Variants in RIPOR2 observed in about 807,000 individuals in gnomAD.
The protein encoded by RIPOR2 is RHO family interacting cell polarization regulator 2, also known as rho family-interacting cell polarization regulator 2.
In RIPOR2, 39 loss-of-function variants were observed where a neutral mutation model predicts 114.5. That is an observed-to-expected ratio of 0.34 (90% CI 0.26 to 0.44). The LOEUF (loss-of-function observed/expected upper bound fraction) is 0.44, where lower values mean the gene tolerates loss of function less well. RIPOR2 is among the 20% of genes least tolerant of loss of function. The pLI is 1.00. For missense variants in RIPOR2, 1,007 were observed against 1,255.1 expected, an observed-to-expected ratio of 0.80 and a Z score of 2.99; for synonymous variants, 445 against 484.4, an observed-to-expected ratio of 0.92 and a Z score of 1.07.
chr6:24,932,266 C>T (rs73731451), intron 1 of RIPOR2, among the ~76,000 whole-genome samples: 8,675 of 151,668 alleles, frequency 0.057, 292 homozygotes, highest in East Asian at 0.11. Context: ...TTGAGAGTAA[C>T]CATTTTCTAA....
At chr6:24,849,603 C>T (rs978141452) in intron 11 of RIPOR2, among the ~76,000 whole-genome samples, 199 bp downstream of exon 11, 2 of 152,114 alleles carry the variant, frequency 1.3e-5, no homozygotes, top group African/African-American at 4.8e-5. Flanking sequence ...CTTTAACACG[C>T]GTGCACCTTA....
intron 1 of RIPOR2, among the ~76,000 whole-genome samples, chr6:24,895,451 A>T (rs1340279056): frequency 9.6e-6 from 1 of 103,740 alleles, no homozygotes; most frequent in Non-Finnish European, 1.8e-5. Context: ...AAAAAAAAAA[A>T]ATCTTCTAGG....
chr6:24,849,496 T>C (rs1356036105), intron 11 of RIPOR2, among the ~76,000 whole-genome samples: 1 of 152,202 alleles, frequency 6.6e-6, no homozygotes, highest in Non-Finnish European at 1.5e-5. Flanking sequence ...TATGCCCTTA[T>C]ATATTTAAAG....
At chr6:24,859,045 AGTTAGAG>A (rs1203983083) in intron 8 of RIPOR2, among the ~76,000 whole-genome samples, 3 of 152,084 alleles carry the variant, frequency 2.0e-5, no homozygotes, top group African/African-American at 7.2e-5. Context: ...CATAACATGG[AGTTAGAG>A]GTGGGAATGC....
In RIPOR2 at chr6:24,924,593, C is replaced by T. The variant is rs370800732; in HGVS notation, c.61+11245G>A. 3.0e-3 allele frequency among the ~76,000 whole-genome samples: 463 copies of T among 152,164 alleles called. 3 individuals carry two copies. The highest frequency in any genetic ancestry group is 9.8e-3 in the African/African-American group (407 of 41,490). ...AGCCACCAATTTTTCATCATCCTTC[C>T]AACTGGTATTACAGAGCAATGTAAT... On this transcript the variant is annotated intron_variant, in intron 1 of 21. Coordinates refer to ENST00000643898, the MANE Select transcript of RIPOR2 (RefSeq NM_001286445.3).
chr6:24,946,806 T>A (rs965698077), intron 1 of RIPOR2, among the ~76,000 whole-genome samples: 1 of 152,190 alleles, frequency 6.6e-6, no homozygotes. Flanking sequence ...TCCTGACGTA[T>A]TTCTTTTTGG....
intron 1 of RIPOR2, among the ~76,000 whole-genome samples, chr6:24,981,376 T>C (rs1357468862): frequency 6.6e-6 from 1 of 152,184 alleles, no homozygotes; most frequent in East Asian, 1.9e-4. Flanking sequence ...AAGAGATAAG[T>C]TTGAATGACA....
intron 1 of RIPOR2, among the ~76,000 whole-genome samples, chr6:25,011,550 G>A (rs913120365): frequency 2.0e-5 from 3 of 152,226 alleles, no homozygotes; most frequent in Admixed American, 2.0e-4. Context: ...TAATGTGTGA[G>A]GGGAATTGGA....
intron 12 of RIPOR2, among the ~76,000 whole-genome samples, chr6:24,844,296 G>T (rs570431654): frequency 6.6e-6 from 1 of 152,230 alleles, no homozygotes; most frequent in South Asian, 2.1e-4. Flanking sequence ...GCAGAACTCT[G>T]AAGAGAGAGG....
intron 13 of RIPOR2, among the ~76,000 whole-genome samples, chr6:24,841,738 C>T (rs1049058440): frequency 1.3e-5 from 2 of 151,874 alleles, no homozygotes; most frequent in Admixed American, 6.6e-5. Context: ...CCACCTCAGC[C>T]TCCCTAGTAG....
At chr6:24,990,240 A>T (rs558834057) in intron 1 of RIPOR2, among the ~76,000 whole-genome samples, 1 of 152,358 alleles carries the variant, frequency 6.6e-6, no homozygotes, top group East Asian at 1.9e-4. Context: ...GTGTGCTGAA[A>T]AGATAAAGGT....
intron 20 of RIPOR2, among the ~76,000 whole-genome samples, chr6:24,810,605 G>A (rs1781078646): frequency 6.6e-6 from 1 of 152,074 alleles, no homozygotes; most frequent in Non-Finnish European, 1.5e-5. Flanking sequence ...ACAGTCTAGT[G>A]GATTCAGAGT....
intron 1 of RIPOR2, among the ~76,000 whole-genome samples, chr6:25,006,773 G>A (rs2113666309): frequency 6.6e-6 from 1 of 152,366 alleles, no homozygotes; most frequent in South Asian, 2.1e-4. Context: ...AAGTAAGACT[G>A]AGCTGCCAAA....
intron 10 of RIPOR2, among the ~76,000 whole-genome samples, chr6:24,850,262 AT>A (rs1265810176): frequency 6.7e-6 from 1 of 150,194 alleles, no homozygotes; most frequent in African/African-American, 2.5e-5. Flanking sequence ...CGTCTGGCTA[AT>A]TTTTGTACTT....
chr6:25,006,482 T>C (rs1410688), intron 1 of RIPOR2, among the ~76,000 whole-genome samples: 108,277 of 152,120 alleles, frequency 0.71, 38,861 homozygotes, highest in African/African-American at 0.76. Context: ...AAATCTCTCT[T>C]GCCACCTCAC....
At chr6:24,827,302 T>C (rs1296900098) in intron 18 of RIPOR2, among the ~76,000 whole-genome samples, 2 of 152,204 alleles carry the variant, frequency 1.3e-5, no homozygotes, top group Admixed American at 6.5e-5. Flanking sequence ...AGGAAGATTT[T>C]TCTTCCTTCA....
chr6:24,975,361 C>G (rs558717853), intron 1 of RIPOR2, among the ~76,000 whole-genome samples: 1 of 152,234 alleles, frequency 6.6e-6, no homozygotes, highest in African/African-American at 2.4e-5. Context: ...AAAAGATGTA[C>G]AGCACGGTAA....
intron 1 of RIPOR2, among the ~76,000 whole-genome samples, chr6:24,993,289 T>C (rs569978306): frequency 1.5e-4 from 23 of 152,364 alleles, no homozygotes; most frequent in African/African-American, 3.4e-4. Flanking sequence ...ATATTTAGGA[T>C]AGTTAGACCT....
At chr6:24,828,780 A>AGAAG (rs1421537808) in intron 17 of RIPOR2, among the ~76,000 whole-genome samples, 1 of 152,122 alleles carries the variant, frequency 6.6e-6, no homozygotes, top group South Asian at 2.1e-4. Context: ...AGAGGAAAAG[A>AGAAG]GAAGGAAGGA....
Sources: allele counts gnomAD v4.1 joint callset (sites outside exome capture counted in the v4.1 genomes callset), GRCh38; gene constraint gnomAD v4.1.1; transcripts MANE v1.5; gene names NCBI Gene and HGNC (gene_info 2026-07-23, HGNC 2026-07-21).